Variants in ITGA9 observed in about 807,000 individuals in gnomAD.
The protein encoded by ITGA9 is integrin alpha-9.
Under a neutral mutation model 127.8 loss-of-function variants are expected in ITGA9, and 56 were observed. The observed-to-expected ratio is 0.44, with a 90% CI of 0.35 to 0.55. The LOEUF is 0.55. Among genes scored for constraint, ITGA9 ranks in the 20% least tolerant of loss-of-function variants. The pLI is 0.00. For synonymous variants in ITGA9, 508 were observed against 514.5 expected (o/e 0.99, Z 0.17); for missense variants, 1,196 against 1,347.1 (o/e 0.89, Z 1.76).
intron 1 of ITGA9, among the ~76,000 whole-genome samples, chr3:37,464,116 A>AGTGT (rs10603611): frequency 0.068 from 9,748 of 144,198 alleles, 326 homozygotes; most frequent in Middle Eastern, 0.078. Flanking sequence ...AGAAGGTGTG[A>AGTGT]GTGTGTGTGT....
At chr3:37,511,825 G>C (rs984171599) in intron 8 of ITGA9, among the ~76,000 whole-genome samples, 1 of 152,080 alleles carries the variant, frequency 6.6e-6, no homozygotes, top group Admixed American at 6.5e-5. Flanking sequence ...AGATTGGAGT[G>C]TCCTCTACCT....
intron 21 of ITGA9, 78 bp from the exon 22 acceptor site, chr3:37,743,848 T>A: frequency 1.0e-6 from 1 of 979,690 alleles, no homozygotes; most frequent in Non-Finnish European, 1.7e-6. Flanking sequence ...GAGACAAATG[T>A]TTGCTTCTCA....
chr3:37,530,425 G>C (rs770919125), intron 13 of ITGA9, among the ~76,000 whole-genome samples: 21 of 152,172 alleles, frequency 1.4e-4, no homozygotes, highest in Admixed American at 3.3e-4. Flanking sequence ...AGAGGTATGT[G>C]GGTTAGGAAT....
intron 15 of ITGA9, among the ~76,000 whole-genome samples, chr3:37,609,678 G>A (rs1411191485): frequency 2.6e-5 from 4 of 152,262 alleles, no homozygotes; most frequent in Admixed American, 6.5e-5. Context: ...CAAGGAATTC[G>A]GGACAGGGCA....
intron 1 of ITGA9, among the ~76,000 whole-genome samples, chr3:37,464,780 A>G (rs1012170710): frequency 6.6e-6 from 1 of 152,216 alleles, no homozygotes; most frequent in Non-Finnish European, 1.5e-5. Flanking sequence ...CCCAAATATA[A>G]GAAGAGCTTA....
intron 15 of ITGA9, among the ~76,000 whole-genome samples, chr3:37,608,355 TCTA>T (rs888529073): frequency 7.9e-5 from 12 of 152,244 alleles, no homozygotes; most frequent in African/African-American, 2.9e-4. Flanking sequence ...TTCAGCTATT[TCTA>T]CTAACAGAAA....
chr3:37,605,706 T>A (rs1699961615), intron 15 of ITGA9, among the ~76,000 whole-genome samples: 2 of 152,152 alleles, frequency 1.3e-5, no homozygotes, highest in Admixed American at 1.3e-4. Flanking sequence ...GGGGGACTCC[T>A]GCAATGTTGG....
chr3:37,793,189 T>A (rs1697131884), intron 26 of ITGA9, among the ~76,000 whole-genome samples: 1 of 151,416 alleles, frequency 6.6e-6, no homozygotes, highest in Non-Finnish European at 1.5e-5. Context: ...AGGGGTGAGG[T>A]TCCTGGAACT....
At chr3:37,615,261 A>G (rs1380432845) in intron 15 of ITGA9, among the ~76,000 whole-genome samples, 3 of 152,118 alleles carry the variant, frequency 2.0e-5, no homozygotes, top group Admixed American at 6.5e-5. Context: ...TATATGCTGG[A>G]TTATGTTTAT....
At chr3:37,517,375 C>T in intron 9 of ITGA9, 129 bp from the exon 10 acceptor site, 1 of 757,284 alleles carries the variant, frequency 1.3e-6, no homozygotes, top group Non-Finnish European at 2.3e-6. Flanking sequence ...TAATTCTGCC[C>T]AGGTGTTTCC....
At chr3:37,511,193 AC>A (rs1273091441) in intron 8 of ITGA9, among the ~76,000 whole-genome samples, 1 of 152,228 alleles carries the variant, frequency 6.6e-6, no homozygotes, top group Non-Finnish European at 1.5e-5. Context: ...GATTAAAAAA[AC>A]AAAACCAAAC....
At chr3:37,622,111 C>A (rs1462270664) in intron 15 of ITGA9, among the ~76,000 whole-genome samples, 1 of 147,470 alleles carries the variant, frequency 6.8e-6, no homozygotes, top group Non-Finnish European at 1.5e-5. Flanking sequence ...TCTTCTTTGG[C>A]TTTAATTTAA....
At chr3:37,532,217 C>T (rs372853669) in intron 13 of ITGA9, among the ~76,000 whole-genome samples, 6 of 152,252 alleles carry the variant, frequency 3.9e-5, no homozygotes, top group Admixed American at 3.3e-4. Flanking sequence ...TATCACTACT[C>T]TCTGTTGACC....
chr3:37,769,623 T>C (rs1696819978), intron 23 of ITGA9, among the ~76,000 whole-genome samples: 1 of 152,208 alleles, frequency 6.6e-6, no homozygotes, highest in Non-Finnish European at 1.5e-5. Flanking sequence ...TTGAACTCCT[T>C]GGCTCTCTAG....
At chr3:37,637,064 C>T (rs1174819492) in intron 16 of ITGA9, among the ~76,000 whole-genome samples, 6 of 152,250 alleles carry the variant, frequency 3.9e-5, no homozygotes, top group East Asian at 1.9e-4. Flanking sequence ...AGTCAGGTAG[C>T]GTGACGCCTC....
chr3:37,685,792 T>C (rs533562076), intron 18 of ITGA9, among the ~76,000 whole-genome samples: 1 of 152,336 alleles, frequency 6.6e-6, no homozygotes, highest in South Asian at 2.1e-4. Context: ...TGTGACTGAC[T>C]AGGCTTCATT....
At chr3:37,546,616 G>A (rs995654674) in intron 15 of ITGA9, among the ~76,000 whole-genome samples, 2 of 152,176 alleles carry the variant, frequency 1.3e-5, no homozygotes, top group Non-Finnish European at 2.9e-5. Flanking sequence ...CTGACTTCTT[G>A]GAGCTTGTTC....
At chr3:37,787,324 T>C (rs148907439) in intron 26 of ITGA9, among the ~76,000 whole-genome samples, 134 of 152,174 alleles carry the variant, frequency 8.8e-4, no homozygotes, top group Non-Finnish European at 1.2e-3. Context: ...CCTTCCATTA[T>C]AGGACTAGAC....
chr3:37,743,741 G>C (rs1274703742), intron 21 of ITGA9, among the ~76,000 whole-genome samples, 185 bp from the exon 22 acceptor site: 1 of 152,222 alleles, frequency 6.6e-6, no homozygotes, highest in Non-Finnish European at 1.5e-5. Flanking sequence ...AACCTAAGAT[G>C]AGAAGACACT....
Sources: gnomAD v4.1 joint callset for allele counts (sites outside exome capture counted in the v4.1 genomes callset) on GRCh38, gnomAD v4.1.1 for gene constraint, MANE v1.5 for transcripts, NCBI Gene and HGNC (gene_info 2026-07-23, HGNC 2026-07-21) for gene names.